The following SPATA6L variants were observed in gnomAD, a reference collection of about 807,000 sequenced individuals.
SPATA6L encodes spermatogenesis associated 6-like protein.
A neutral mutation model predicts 49.2 loss-of-function variants in SPATA6L; 68 were observed. That is an observed-to-expected ratio of 1.38 (90% CI 1.14 to 1.69). The LOEUF (loss-of-function observed/expected upper bound fraction) is 1.69. Ranked by LOEUF, SPATA6L falls within the 40% of genes most tolerant of loss-of-function variation. SPATA6L has a pLI of 0.00. For missense variants in SPATA6L, 668 were observed against 464.3 expected, an observed-to-expected ratio of 1.44 and a Z score of -4.03; for synonymous variants, 198 against 165.7, an observed-to-expected ratio of 1.19 and a Z score of -1.50.
chr9:4,655,571 T>C (rs1347666476), intron 3 of SPATA6L, among the ~76,000 whole-genome samples: 2 of 151,706 alleles, frequency 1.3e-5, no homozygotes, highest in East Asian at 1.9e-4. Flanking sequence ...TTTTTTGAGA[T>C]GGAGTCTTGC....
intron 9 of SPATA6L, among the ~76,000 whole-genome samples, chr9:4,605,854 G>C (rs12341739): frequency 0.03 from 4,559 of 152,306 alleles, 206 homozygotes; most frequent in African/African-American, 0.097. Flanking sequence ...CTCCCAGCGT[G>C]AGCGACGCAG....
intron 4 of SPATA6L, chr9:4,633,592 C>A: frequency 5.5e-6 from 1 of 181,576 alleles, no homozygotes; most frequent in Admixed American, 5.3e-5. Context: ...GTAACACAAA[C>A]TCTGGCATAT....
At position 4,662,611 on chromosome 9, in the gene SPATA6L, C is replaced by T. The variant is rs752674211; in HGVS notation, c.40-575G>A. On this transcript the variant is annotated intron_variant, in intron 1 of 11. Transcript: ENST00000682582. The surrounding 1 kb of genome is among the most constrained non-coding windows in gnomAD (Gnocchi z 4.9). Reference sequence around the variant, plus strand: ...TTCCCCCTGGCCGCGGCGGGCCCCTCGCAGTCGCCCGCGCCTCCGCTGCCC... The same window carrying T: ...TTCCCCCTGGCCGCGGCGGGCCCCTTGCAGTCGCCCGCGCCTCCGCTGCCC... The T allele has an allele frequency of 6.3e-7, 1 of 1,595,106 alleles. No individual in the cohort carries two copies. Among genetic ancestry groups the T allele is most frequent in the African/African-American group, 1.3e-5 (1 of 74,928 alleles).
At chr9:4,626,005 C>A (rs183831235) in intron 5 of SPATA6L, 3 of 156,522 alleles carry the variant, frequency 1.9e-5, no homozygotes, top group Non-Finnish European at 1.4e-5. Context: ...TAAGCAATTG[C>A]GCTCAGTTGC....
At chr9:4,652,295 G>A (rs573624016) in intron 3 of SPATA6L, among the ~76,000 whole-genome samples, 34 of 152,198 alleles carry the variant, frequency 2.2e-4, no homozygotes, top group Admixed American at 2.0e-3. Flanking sequence ...GGTGGTGCAT[G>A]CCTGTAATGC....
chr9:4,606,558 G>A lies in SPATA6L; in HGVS notation c.996-1118C>T, dbSNP rs1329354158. Among the ~76,000 whole-genome samples, 8 of 36,560 alleles carry A rather than the reference G, an allele frequency of 2.2e-4. 2 individuals carry two copies. The highest frequency in any genetic ancestry group is 2.7e-4 in the African/African-American group (3 of 11,056). The allele number at this position is 36,560 out of a possible 152,430, so 24.0% of individuals were successfully genotyped here. A position where few individuals can be genotyped will look rare whatever the true frequency, so the allele number is the denominator to read the frequency against. ...GGCACACTGACACCTCACACGGCCG[G>A]GTACTCCAACAGACCTGCAGCTGAG... On this transcript the variant is annotated intron_variant, in intron 9 of 11. Coordinates refer to ENST00000682582, the MANE Select transcript of SPATA6L (RefSeq NM_001353486.2).
At chr9:4,615,477 G>C (rs186233439) in intron 9 of SPATA6L, among the ~76,000 whole-genome samples, 2 of 152,136 alleles carry the variant, frequency 1.3e-5, no homozygotes, top group East Asian at 3.8e-4. Context: ...CAATTCTTCC[G>C]TTGGCCAGAG....
intron 4 of SPATA6L, among the ~76,000 whole-genome samples, chr9:4,629,769 G>GTGTGTATATATATATATATA (rs1311805859): frequency 2.5e-4 from 25 of 101,910 alleles, no homozygotes; most frequent in African/African-American, 8.4e-4. Context: ...GTGTGTGTGT[G>GTGTGTATATATATATATATA]TATATATATA....
In SPATA6L at chr9:4,598,756, C is replaced by T. The variant is rs1054761616; in HGVS notation, c.*2055G>A. On this transcript the variant is annotated 3_prime_UTR_variant, in exon 12 of 12. Coordinates refer to ENST00000682582, the MANE Select transcript of SPATA6L (RefSeq NM_001353486.2). ...CCCTCTCCTGAGACTTATAGCGTAA[C>T]CTTAATGTAACACAATATTTTCTTA... Among the ~76,000 whole-genome samples the T allele has an allele frequency of 6.6e-6, 1 of 152,190 alleles. No individual in the cohort carries two copies. Among genetic ancestry groups the T allele is most frequent in the African/African-American group, 2.4e-5 (1 of 41,448 alleles).
At chr9:4,605,317 C>A (rs1282233452) in intron 10 of SPATA6L, 30 bp downstream of exon 10, 5 of 1,556,512 alleles carry the variant, frequency 3.2e-6, no homozygotes, top group African/African-American at 2.7e-5. Flanking sequence ...ATTTAGTGAG[C>A]AAAGATCTAG....
Position 4,622,300 on chromosome 9 carries a change from G to C in SPATA6L, c.772+108C>G, listed in dbSNP as rs952454502. On this transcript the variant is annotated intron_variant, in intron 7 of 11. Transcript: ENST00000682582. ...ACAGCTGGAGAGTACTTGAGAATTA[G>C]GCTCACAGTTCTGAACATCACCTGT... The C allele has an allele frequency of 5.3e-5, 37 of 702,440 alleles. 1 individual carries two copies. Among genetic ancestry groups the C allele is most frequent in the Non-Finnish European group, 6.6e-5 (27 of 407,242 alleles). The allele number at this position is 702,440 out of a possible 1,614,324, so 43.5% of individuals were successfully genotyped here.
chr9:4,651,833 T>C (rs1045032030), intron 3 of SPATA6L, among the ~76,000 whole-genome samples: 3 of 152,210 alleles, frequency 2.0e-5, no homozygotes, highest in African/African-American at 4.8e-5. Flanking sequence ...AAAAACCATA[T>C]TTTAATATTA....
chr9:4,589,348 T>C (rs1821757651), intron 13 of SPATA6L, among the ~76,000 whole-genome samples: 1 of 152,134 alleles, frequency 6.6e-6, no homozygotes, highest in Admixed American at 6.5e-5. Flanking sequence ...GGGTAATCCG[T>C]AGGGATGCAA....
In SPATA6L at chr9:4,666,344, A is replaced by G. The variant is rs1840864046; in HGVS notation, c.-94T>C. The G allele has an allele frequency of 7.4e-7, 1 of 1,346,366 alleles. No individual in the cohort carries two copies. Among genetic ancestry groups the G allele is most frequent in the Non-Finnish European group, 1.1e-6 (1 of 945,506 alleles). The allele number at this position is 1,346,366 out of a possible 1,614,324, so 83.4% of individuals were successfully genotyped here. ...CTTAGTTTAGCTGAATACCTAGAGC[A>G]AATGTTCCCAGAAGCTTCCCCAGTC... is the stretch of plus-strand genomic sequence containing the variant. On this transcript the variant is annotated 5_prime_UTR_variant, in exon 1 of 12. Transcript: ENST00000682582.
At chr9:4,642,786 G>T (rs113718132) in intron 3 of SPATA6L, among the ~76,000 whole-genome samples, 13,112 of 151,856 alleles carry the variant, frequency 0.086, 1,044 homozygotes, top group African/African-American at 0.2. Flanking sequence ...ATAACTGATT[G>T]AAAACATTGT....
intron 4 of SPATA6L, among the ~76,000 whole-genome samples, chr9:4,632,259 T>C (rs1831755917): frequency 1.3e-5 from 2 of 151,772 alleles, no homozygotes; most frequent in African/African-American, 4.8e-5. Context: ...ATCGAAGTGA[T>C]GGCTCTTTTT....
chr9:4,650,471 A>C (rs1188710194), intron 3 of SPATA6L, among the ~76,000 whole-genome samples: 1 of 152,232 alleles, frequency 6.6e-6, no homozygotes, highest in African/African-American at 2.4e-5. Context: ...AAGATTAAGC[A>C]GAAAGTAATG....
At chr9:4,627,826 C>G (rs1162943232) in intron 5 of SPATA6L, 1 of 1,288,862 alleles carries the variant, frequency 7.8e-7, no homozygotes, top group African/African-American at 1.5e-5. Flanking sequence ...TACTGCAGCA[C>G]TATTCACAAT....
At chr9:4,660,582 G>A (rs1177823286) in intron 2 of SPATA6L, among the ~76,000 whole-genome samples, 1 of 152,234 alleles carries the variant, frequency 6.6e-6, no homozygotes, top group Non-Finnish European at 1.5e-5. Context: ...CACTGTTGGT[G>A]GGACAGTAAA....
Sources: allele counts gnomAD v4.1 joint callset (sites outside exome capture counted in the v4.1 genomes callset), GRCh38; gene constraint gnomAD v4.1.1; non-coding constraint Gnocchi (gnomAD v3.1); transcripts MANE v1.5; gene names NCBI Gene and HGNC (gene_info 2026-07-23, HGNC 2026-07-21).